CPQ: variants seen among roughly 807,000 people sequenced by gnomAD.
CPQ encodes the protein Ser-Met dipeptidase.
In CPQ, 37 loss-of-function variants were observed where a neutral mutation model predicts 45.7. The observed-to-expected ratio is 0.81, with a 90% CI of 0.62 to 1.07. CPQ has a LOEUF of 1.07. CPQ is among the 50% of genes least tolerant of loss of function. The probability of loss-of-function intolerance (pLI) is 0.00; values close to 1 mark genes in which losing one functional copy is unlikely to be tolerated. For missense variants in CPQ, 537 were observed against 572.9 expected (o/e 0.94, Z 0.64); for synonymous variants, 186 against 205.8 (o/e 0.90, Z 0.82).
At chr8:96,760,128 C>T (rs1810380380) in intron 1 of CPQ, among the ~76,000 whole-genome samples, 1 of 152,176 alleles carries the variant, frequency 6.6e-6, no homozygotes, top group Non-Finnish European at 1.5e-5. Context: ...CTCATAAAGG[C>T]TGTTCCAGTT....
intron 2 of CPQ, among the ~76,000 whole-genome samples, chr8:96,807,102 A>G (rs1412006523): frequency 6.6e-6 from 1 of 152,188 alleles, no homozygotes; most frequent in Non-Finnish European, 1.5e-5. Context: ...TTAAATGGGG[A>G]AATAAGGACA....
intron 4 of CPQ, among the ~76,000 whole-genome samples, chr8:96,950,202 G>A (rs908501082): frequency 2.0e-5 from 3 of 152,030 alleles, no homozygotes; most frequent in African/African-American, 4.8e-5. Context: ...CACAGTAGTC[G>A]AGAATAAACT....
At chr8:97,141,318 T>C (rs1031741930) in intron 7 of CPQ, among the ~76,000 whole-genome samples, 10 of 152,024 alleles carry the variant, frequency 6.6e-5, no homozygotes, top group Non-Finnish European at 4.4e-5. Flanking sequence ...TGCCAAGAAC[T>C]CTTACAAGTC....
chr8:96,765,981 A>G (rs1810463375), intron 1 of CPQ, among the ~76,000 whole-genome samples: 1 of 152,214 alleles, frequency 6.6e-6, no homozygotes, highest in African/African-American at 2.4e-5. Flanking sequence ...TGGGACCTGT[A>G]GGAGGCCCTC....
intron 7 of CPQ, among the ~76,000 whole-genome samples, chr8:97,115,924 G>C (rs1444164187): frequency 1.3e-5 from 2 of 152,090 alleles, no homozygotes; most frequent in African/African-American, 4.8e-5. Flanking sequence ...TGGAAAACAA[G>C]GAATAAGTTG....
intron 1 of CPQ, among the ~76,000 whole-genome samples, chr8:96,649,999 G>C (rs1211629152): frequency 6.6e-6 from 1 of 152,252 alleles, no homozygotes; most frequent in Non-Finnish European, 1.5e-5. Context: ...CAGGAGTGTT[G>C]CAGAAAGCAG....
At position 96,834,982 on chromosome 8, in the gene CPQ, C is replaced by T; in HGVS notation, c.443C>T (p.Ala148Val). ...SIGTPPEGIT[A>V]EVLVVTSFDE... ...TGACTTTTATTTCTAGGCATTACAG[C>T]AGAAGTTCTGGTGGTGACCTCTTTC... Residue 148 changes from alanine (A) to valine (V), a missense_variant, in exon 3 of 8, where the codon GCA (alanine) becomes GTA (valine). Ala to Val is a moderately conservative substitution (Grantham distance 64). Coordinates refer to ENST00000220763, the MANE Select transcript of CPQ (RefSeq NM_016134.4). The T allele has an allele frequency of 1.2e-6, 2 of 1,611,832 alleles. No homozygotes were observed. The highest frequency in any genetic ancestry group is 1.1e-5 in the South Asian group (1 of 90,690).
intron 5 of CPQ, among the ~76,000 whole-genome samples, chr8:96,997,613 G>T (rs564573550): frequency 6.6e-6 from 1 of 151,854 alleles, no homozygotes; most frequent in Non-Finnish European, 1.5e-5. Flanking sequence ...TCTTGTAAAA[G>T]CTTCTCAATG....
chr8:96,737,993 G>A (rs987886417), intron 1 of CPQ, among the ~76,000 whole-genome samples: 8 of 151,996 alleles, frequency 5.3e-5, no homozygotes, highest in Non-Finnish European at 1.0e-4. Context: ...GAGTAATTTA[G>A]AAGTATGTTT....
At chr8:97,141,986 A>G (rs925777110) in intron 7 of CPQ, among the ~76,000 whole-genome samples, 1 of 152,184 alleles carries the variant, frequency 6.6e-6, no homozygotes, top group African/African-American at 2.4e-5. Flanking sequence ...GTAGAAAAGC[A>G]AGGAGTAATT....
intron 7 of CPQ, among the ~76,000 whole-genome samples, chr8:97,116,760 A>C (rs1811600643): frequency 6.6e-6 from 1 of 152,236 alleles, no homozygotes; most frequent in African/African-American, 2.4e-5. Flanking sequence ...CTTCTCCCAA[A>C]GTTGGGAAAT....
At chr8:96,999,591 T>C (rs976180950) in intron 5 of CPQ, among the ~76,000 whole-genome samples, 7 of 152,094 alleles carry the variant, frequency 4.6e-5, no homozygotes, top group Non-Finnish European at 7.4e-5. Context: ...TATGGCTGCC[T>C]AGTATTCCAT....
intron 4 of CPQ, among the ~76,000 whole-genome samples, chr8:96,911,668 C>A (rs919522618): frequency 3.9e-5 from 6 of 152,204 alleles, no homozygotes; most frequent in African/African-American, 1.2e-4. Context: ...AAAATCAGGC[C>A]TTCCTGGCAA....
intron 7 of CPQ, among the ~76,000 whole-genome samples, chr8:97,069,279 G>C (rs971400157): frequency 6.6e-6 from 1 of 151,710 alleles, no homozygotes; most frequent in Non-Finnish European, 1.5e-5. Context: ...TTCAAATTTG[G>C]GCTATTCCTG....
intron 4 of CPQ, among the ~76,000 whole-genome samples, chr8:96,884,929 A>G (rs905807576): frequency 2.0e-5 from 3 of 152,220 alleles, no homozygotes; most frequent in Non-Finnish European, 4.4e-5. Context: ...TTATCTCTAT[A>G]AAAGGAGAAG....
chr8:97,076,992 TTATAA>T (rs1479602871), intron 7 of CPQ, among the ~76,000 whole-genome samples: 1 of 152,182 alleles, frequency 6.6e-6, no homozygotes, highest in African/African-American at 2.4e-5. Flanking sequence ...TACTGTATTC[TTATAA>T]TAAAGTAAGC....
intron 1 of CPQ, among the ~76,000 whole-genome samples, chr8:96,663,849 C>T (rs1808886168): frequency 6.6e-6 from 1 of 151,868 alleles, no homozygotes. Context: ...GACTTGGACA[C>T]ATGCTGTAGA....
intron 6 of CPQ, among the ~76,000 whole-genome samples, chr8:97,044,040 G>A (rs1810186346): frequency 6.6e-6 from 1 of 152,184 alleles, no homozygotes. Flanking sequence ...TGCCTTGCTA[G>A]ATTGGGGAAG....
At chr8:97,077,412 T>C (rs1388478169) in intron 7 of CPQ, among the ~76,000 whole-genome samples, 2 of 152,210 alleles carry the variant, frequency 1.3e-5, no homozygotes, top group Non-Finnish European at 1.5e-5. Flanking sequence ...CTCACCACAA[T>C]AGCAACAGGA....
Sources: allele counts gnomAD v4.1 joint callset (sites outside exome capture counted in the v4.1 genomes callset), GRCh38; gene constraint gnomAD v4.1.1; transcripts MANE v1.5; gene names NCBI Gene and HGNC (gene_info 2026-07-23, HGNC 2026-07-21).